PXYLP1: variants seen among roughly 807,000 people sequenced by gnomAD.
The protein encoded by PXYLP1 is acid phosphatase-like 2.
In PXYLP1, 17 loss-of-function variants were observed where a neutral mutation model predicts 37.9. That is an observed-to-expected ratio of 0.45 (90% CI 0.31 to 0.67). The LOEUF is 0.67. PXYLP1 is among the 30% of genes least tolerant of loss of function. The pLI is 0.07. For synonymous variants in PXYLP1, 221 were observed against 232.2 expected, an observed-to-expected ratio of 0.95 and a Z score of 0.44; for missense variants, 511 against 612.0, an observed-to-expected ratio of 0.84 and a Z score of 1.74.
At position 141,293,372 on chromosome 3, in the gene PXYLP1, G is replaced by A; in HGVS notation, c.*167G>A. 1.5e-6 allele frequency: 1 copy of A among 688,032 alleles called. No individual in the cohort carries two copies. The highest frequency in any genetic ancestry group is 2.0e-5 in the South Asian group (1 of 50,236). 42.6% of individuals were successfully genotyped at this position (688,032 alleles called of 1,614,324 possible). A position where few individuals can be genotyped will look rare whatever the true frequency, so the allele number is the denominator to read the frequency against. ...GGGGTTGAACAGTAAGCACATTGCTGCAATGTGGTACGTGAATTGCTTGGT... is the reference window on the plus strand; with the variant it reads ...GGGGTTGAACAGTAAGCACATTGCTACAATGTGGTACGTGAATTGCTTGGT... On this transcript the variant is annotated 3_prime_UTR_variant, in exon 6 of 6. Transcript: ENST00000286353.
intron 5 of PXYLP1, among the ~76,000 whole-genome samples, chr3:141,291,995 C>T (rs1440063755): frequency 2.0e-5 from 3 of 152,200 alleles, no homozygotes; most frequent in Non-Finnish European, 4.4e-5. Flanking sequence ...AGGGAAGAGG[C>T]CAGTCTGGAG....
chr3:141,273,883 T>C (rs1359629354), intron 2 of PXYLP1: 19 of 985,264 alleles, frequency 1.9e-5, no homozygotes, highest in Non-Finnish European at 2.2e-5. Context: ...GTTATTCGTG[T>C]TGGTCCTGGT....
chr3:141,257,957 C>T (rs2148743751), intron 1 of PXYLP1, among the ~76,000 whole-genome samples: 1 of 146,624 alleles, frequency 6.8e-6, no homozygotes, highest in South Asian at 2.2e-4. Context: ...GAAGAAAATG[C>T]AGTGTCAAGT....
chr3:141,244,586 G>A (rs1940891896), intron 1 of PXYLP1, among the ~76,000 whole-genome samples: 1 of 147,758 alleles, frequency 6.8e-6, no homozygotes, highest in African/African-American at 2.5e-5. Context: ...AGATTACACT[G>A]TATCTAGTAT....
intron 2 of PXYLP1, among the ~76,000 whole-genome samples, chr3:141,263,213 T>C (rs1040502203): frequency 4.6e-5 from 7 of 152,216 alleles, no homozygotes; most frequent in South Asian, 2.1e-4. Context: ...TAAGTGCTTA[T>C]GTGTGTTTGA....
intron 1 of PXYLP1, among the ~76,000 whole-genome samples, chr3:141,242,170 T>G (rs896230154): frequency 3.9e-5 from 6 of 152,200 alleles, no homozygotes; most frequent in Admixed American, 3.9e-4. Context: ...GAATATGTAC[T>G]GGTTGTGCTT....
At chr3:141,277,295 T>A (rs1941819662) in intron 2 of PXYLP1, among the ~76,000 whole-genome samples, 1 of 152,124 alleles carries the variant, frequency 6.6e-6, no homozygotes, top group Non-Finnish European at 1.5e-5. Context: ...GATTAATAAA[T>A]CTTTTAGAAG....
intron 2 of PXYLP1, chr3:141,273,857 A>G: frequency 1.0e-6 from 1 of 985,342 alleles, no homozygotes; most frequent in Non-Finnish European, 1.2e-6. Flanking sequence ...CATCAGTAAA[A>G]GATATCTCGT....
chr3:141,265,867 A>G (rs1351233375), intron 2 of PXYLP1, among the ~76,000 whole-genome samples: 1 of 152,188 alleles, frequency 6.6e-6, no homozygotes, highest in Non-Finnish European at 1.5e-5. Context: ...AGGCCACGGG[A>G]AAGTGCTCAG....
rs959852539 is a variant in PXYLP1 at position 141,293,284 on chromosome 3, C to T, written c.*79C>T. 5 of 1,369,490 alleles carry T rather than the reference C, an allele frequency of 3.7e-6. No homozygotes were observed. Among genetic ancestry groups the T allele is most frequent in the Non-Finnish European group, 4.0e-6 (4 of 1,010,960 alleles). The allele number at this position is 1,369,490 out of a possible 1,614,324, so 84.8% of individuals were successfully genotyped here. On this transcript the variant is annotated 3_prime_UTR_variant, in exon 6 of 6. Coordinates refer to ENST00000286353, the MANE Select transcript of PXYLP1 (RefSeq NM_001037172.3). The stretch of plus-strand genomic sequence containing the variant: ...GGTCCACTTCTAGTTTTGTCTGTTA[C>T]TAAGGGTAGAAGATTATTGCTTTTT...
At chr3:141,248,987 A>G (rs1001832429) in intron 1 of PXYLP1, among the ~76,000 whole-genome samples, 5 of 151,700 alleles carry the variant, frequency 3.3e-5, no homozygotes, top group African/African-American at 1.2e-4. Flanking sequence ...AGGGCTCCGA[A>G]AGGTCACCCA....
intron 4 of PXYLP1, 51 bp from the exon 5 acceptor site, chr3:141,287,263 T>A (rs369036009): frequency 1.5e-5 from 24 of 1,589,510 alleles, no homozygotes; most frequent in Non-Finnish European, 2.0e-5. Context: ...GGAAACTGTT[T>A]GGATTCTTGT....
intron 2 of PXYLP1, among the ~76,000 whole-genome samples, chr3:141,265,702 G>C (rs1941492243): frequency 6.6e-6 from 1 of 152,156 alleles, no homozygotes; most frequent in South Asian, 2.1e-4. Context: ...TCTGGCTCGG[G>C]GAGTTCAGTA....
intron 1 of PXYLP1, among the ~76,000 whole-genome samples, chr3:141,233,463 CAAAA>C (rs5853024): frequency 2.3e-3 from 183 of 79,396 alleles, no homozygotes; most frequent in Non-Finnish European, 3.6e-3. Context: ...AAAACCCTGT[CAAAA>C]AAAAAAAAAA....
intron 1 of PXYLP1, chr3:141,235,458 C>T (rs956317265): frequency 2.6e-5 from 4 of 152,156 alleles, no homozygotes; most frequent in Admixed American, 6.6e-5. Context: ...AGGAAGCTTC[C>T]AGGGAGACAG....
chr3:141,251,461 A>G (rs1435003613), intron 1 of PXYLP1, among the ~76,000 whole-genome samples: 1 of 152,190 alleles, frequency 6.6e-6, no homozygotes, highest in East Asian at 1.9e-4. Context: ...ACATCTCTAC[A>G]ACAGTTGCAA....
intron 2 of PXYLP1, among the ~76,000 whole-genome samples, chr3:141,261,182 T>C (rs540721777): frequency 1.2e-4 from 18 of 152,332 alleles, no homozygotes; most frequent in Middle Eastern, 3.4e-3. Context: ...GGTCTTAGTC[T>C]GTTGCCCAGG....
rs756010141 is a variant in PXYLP1, at chr3:141,292,707, T to C, written c.945T>C (p.Cys315=). ...GCTTTCCCTGTACCAGAAATGGCTG[T>C]GTTGACATGGAGCACTTCAAGGTAA... ...NVSFPCTRNG[C]VDMEHFKVIK... is the part of the protein sequence containing the mutation. Residue 315 remains cysteine, a synonymous_variant, in exon 6 of 6, where the codon TGT becomes TGC. Coordinates refer to ENST00000286353, the MANE Select transcript of PXYLP1 (RefSeq NM_001037172.3). The surrounding 1 kb of genome is among the most constrained non-coding windows in gnomAD (Gnocchi z 4.3). 3 of 1,614,054 alleles carry C rather than the reference T, an allele frequency of 1.9e-6. No individual in the cohort carries two copies. In the South Asian group the frequency reaches 3.3e-5, roughly 18 times the overall value.
chr3:141,292,391 C>T lies in PXYLP1; in HGVS notation c.629C>T (p.Thr210Ile). ...TTAGAGACCACTGGGAAAAGCCGGA[C>T]CCTACAAAGTGGGCTGGCCTTGCTT... ...LYLETTGKSR[T>I]LQSGLALLYG... Residue 210 changes from threonine (T) to isoleucine (I), a missense_variant, in exon 6 of 6, where the codon ACC becomes ATC. Physicochemically the swap from Thr to Ile is moderately conservative, Grantham distance 89. Coordinates refer to ENST00000286353, the MANE Select transcript of PXYLP1 (RefSeq NM_001037172.3). The surrounding 1 kb of genome is among the most constrained non-coding windows in gnomAD (Gnocchi z 4.3). The T allele has an allele frequency of 6.2e-7, 1 of 1,614,182 alleles. No homozygotes were observed. Among genetic ancestry groups the T allele is most frequent in the Non-Finnish European group, 8.5e-7 (1 of 1,180,042 alleles).
Sources: gnomAD v4.1 joint callset for allele counts (sites outside exome capture counted in the v4.1 genomes callset) on GRCh38, gnomAD v4.1.1 for gene constraint, Gnocchi (gnomAD v3.1) non-coding constraint, MANE v1.5 for transcripts, NCBI Gene and HGNC (gene_info 2026-07-23, HGNC 2026-07-21) for gene names.